SYNE2: variants seen among roughly 807,000 people sequenced by gnomAD.
The protein encoded by SYNE2 is spectrin repeat containing nuclear envelope protein 2, also known as nesprin-2.
In SYNE2, 431 loss-of-function variants were observed where a neutral mutation model predicts 856.3. That is an observed-to-expected ratio of 0.50 (90% CI 0.47 to 0.55). SYNE2 has a LOEUF of 0.55. Among genes scored for constraint, SYNE2 ranks in the 20% least tolerant of loss-of-function variants. The pLI is 0.00. For synonymous variants in SYNE2, 2,923 were observed against 2,872.3 expected (o/e 1.02, Z -0.56); for missense variants, 8,129 against 8,023.2 (o/e 1.01, Z -0.50).
At chr14:63,828,986 A>G (rs556119839) in intron 1 of SYNE2, among the ~76,000 whole-genome samples, 75 of 150,494 alleles carry the variant, frequency 5.0e-4, no homozygotes, top group Admixed American at 7.9e-4. Flanking sequence ...GATGCCACTT[A>G]CGATAGTACC....
intron 2 of SYNE2, among the ~76,000 whole-genome samples, chr14:63,915,034 C>T (rs1345080770): frequency 2.0e-5 from 3 of 152,200 alleles, no homozygotes; most frequent in Non-Finnish European, 4.4e-5. Context: ...CCACCTTGGC[C>T]TTCCAAAGTG....
At chr14:64,045,527 A>C (rs2097179899) in intron 45 of SYNE2, among the ~76,000 whole-genome samples, 1 of 152,198 alleles carries the variant, frequency 6.6e-6, no homozygotes, top group Non-Finnish European at 1.5e-5. Flanking sequence ...GCTCATAGGC[A>C]GAAAGCACCT....
At chr14:64,038,447 T>G (rs1050299868) in intron 45 of SYNE2, among the ~76,000 whole-genome samples, 5 of 142,918 alleles carry the variant, frequency 3.5e-5, no homozygotes, top group African/African-American at 7.7e-5. Flanking sequence ...GGTGGCGGCT[T>G]GGCAGAGGCT....
chr14:63,891,286 C>T lies in SYNE2; in HGVS notation c.-51-17812C>T, dbSNP rs116803517. Among the ~76,000 whole-genome samples the T allele has an allele frequency of 1.6e-3, 250 of 152,106 alleles. 1 individual carries two copies. The highest frequency in any genetic ancestry group is 5.5e-3 in the African/African-American group (227 of 41,490). Reference sequence around the variant, plus strand: ...TGAAAGTTCACAAAGAAATGTGGCACGAGGAGGCGGTCAGAACTTGAAGGC... The same window carrying T: ...TGAAAGTTCACAAAGAAATGTGGCATGAGGAGGCGGTCAGAACTTGAAGGC... On this transcript the variant is annotated intron_variant, in intron 1 of 115. Transcript: ENST00000555002.
At chr14:63,865,511 C>A (rs1894956796) in intron 1 of SYNE2, among the ~76,000 whole-genome samples, 1 of 151,972 alleles carries the variant, frequency 6.6e-6, no homozygotes, top group South Asian at 2.1e-4. Context: ...GCCTTAGCCT[C>A]CCAAGTAGCT....
intron 1 of SYNE2, among the ~76,000 whole-genome samples, chr14:63,788,395 A>G (rs1050404276): frequency 6.6e-6 from 1 of 152,106 alleles, no homozygotes; most frequent in African/African-American, 2.4e-5. Flanking sequence ...TCCTTGGAGC[A>G]GGAGGCCTGG....
intron 2 of SYNE2, among the ~76,000 whole-genome samples, chr14:63,939,412 A>G (rs1391476798): frequency 6.6e-6 from 1 of 150,484 alleles, no homozygotes; most frequent in Non-Finnish European, 1.5e-5. Context: ...CAGTGTCACA[A>G]TCTCAGCTCA....
chr14:64,210,005 C>T lies in SYNE2; in HGVS notation c.18604C>T (p.Arg6202Trp), dbSNP rs368049769. Residue 6202 changes from arginine (R) to tryptophan (W), a missense_variant, in exon 103 of 116, where the codon CGG (arginine) becomes TGG (tryptophan). Transcript: ENST00000555002. ...GGAGCTCATCAACAAGCAGTACCGGCGGCTGGCCCGGGAGAACCGCACAGA... is the reference window on the plus strand; with the variant it reads ...GGAGCTCATCAACAAGCAGTACCGGTGGCTGGCCCGGGAGAACCGCACAGA... The part of the protein sequence containing the change: ...QLELINKQYR[R>W]LARENRTDTA... 11 of 1,614,020 alleles carry T rather than the reference C, an allele frequency of 6.8e-6. No individual in the cohort carries two copies. The highest frequency in any genetic ancestry group is 6.7e-5 in the East Asian group (3 of 44,888).
intron 45 of SYNE2, among the ~76,000 whole-genome samples, chr14:64,037,571 T>C (rs893241117): frequency 4.9e-4 from 7 of 14,358 alleles, no homozygotes; most frequent in Admixed American, 1.5e-3. Context: ...TTCTCAATCT[T>C]TTCCCCACCT....
chr14:64,065,137 AC>A (rs1484329370), intron 50 of SYNE2, among the ~76,000 whole-genome samples: 1 of 152,198 alleles, frequency 6.6e-6, no homozygotes, highest in African/African-American at 2.4e-5. Flanking sequence ...TGCTGGGATC[AC>A]AGGCATGAGC....
intron 85 of SYNE2, 94 bp downstream of exon 85, chr14:64,152,810 C>A: frequency 1.4e-6 from 2 of 1,480,088 alleles, no homozygotes. Context: ...CTCATGGAGA[C>A]TCTCTATACC....
At position 63,796,664 on chromosome 14, in the gene SYNE2, T is replaced by G. The variant is rs1285017099; in HGVS notation, c.-305+34678T>G. 2.0e-5 allele frequency among the ~76,000 whole-genome samples: 3 copies of G among 152,216 alleles called. No individual in the cohort carries two copies. In the East Asian group the frequency reaches 5.8e-4, roughly 29 times the overall value. On this transcript the variant is annotated intron_variant, in intron 1 of 23. Coordinates refer to the SYNE2 transcript ENST00000674003. ...AGGAAGAGTACCTTGCCTTTTTTTT[T>G]CTTCTAGTTGTACGGCAGGAGGCAA...
At chr14:64,047,342 A>G (rs2097193562) in intron 45 of SYNE2, among the ~76,000 whole-genome samples, 2 of 152,228 alleles carry the variant, frequency 1.3e-5, no homozygotes, top group East Asian at 1.9e-4. Context: ...GACACCACTC[A>G]AAGGAGAGCA....
chr14:63,964,818 C>T (rs1224123375), intron 10 of SYNE2, among the ~76,000 whole-genome samples: 2 of 152,048 alleles, frequency 1.3e-5, no homozygotes, highest in Non-Finnish European at 2.9e-5. Flanking sequence ...GCCACAGTGC[C>T]CGGCCCCAGA....
At chr14:63,891,898 C>T (rs1402199955) in intron 1 of SYNE2, among the ~76,000 whole-genome samples, 3 of 152,184 alleles carry the variant, frequency 2.0e-5, no homozygotes, top group African/African-American at 7.2e-5. Context: ...GCAAATCACT[C>T]TGCCTTTGCC....
chr14:63,927,850 C>G (rs930731573), intron 2 of SYNE2, among the ~76,000 whole-genome samples: 27 of 152,082 alleles, frequency 1.8e-4, no homozygotes, highest in African/African-American at 6.3e-4. Flanking sequence ...CGAGATCACA[C>G]CACTGCACTC....
intron 46 of SYNE2, chr14:64,049,069 A>G (rs1028867195): frequency 6.6e-6 from 1 of 152,244 alleles, no homozygotes; most frequent in Non-Finnish European, 1.5e-5. Flanking sequence ...CTTTAAGATA[A>G]TAGAGTGATC....
intron 1 of SYNE2, among the ~76,000 whole-genome samples, chr14:63,781,642 A>G (rs566768125): frequency 3.1e-4 from 46 of 148,990 alleles, no homozygotes; most frequent in African/African-American, 1.1e-3. Flanking sequence ...GTAGAGAGAG[A>G]GATGGACCTT....
chr14:63,762,435 C>CAAA (rs71120281), intron 1 of SYNE2, among the ~76,000 whole-genome samples: 7 of 64,120 alleles, frequency 1.1e-4, no homozygotes, highest in South Asian at 6.0e-4. Flanking sequence ...AACTCCATCT[C>CAAA]AAAAAAAAAA....
Sources: gnomAD v4.1 joint callset for allele counts (sites outside exome capture counted in the v4.1 genomes callset) on GRCh38, gnomAD v4.1.1 for gene constraint, MANE v1.5 for transcripts, NCBI Gene and HGNC (gene_info 2026-07-23, HGNC 2026-07-21) for gene names.